The following PTRH1 variants were observed in gnomAD, a reference collection of about 807,000 sequenced individuals.
PTRH1 encodes the protein peptidyl-tRNA hydrolase 1 homolog.
PTRH1 carries 13 observed loss-of-function variants against 15.7 expected under a neutral mutation model. That is an observed-to-expected ratio of 0.83 (90% CI 0.54 to 1.31). PTRH1 has a LOEUF of 1.31. Among genes scored for constraint, PTRH1 ranks in the 40% most tolerant of loss-of-function variants. The probability of loss-of-function intolerance (pLI) is 0.00; values close to 1 mark genes in which losing one functional copy is unlikely to be tolerated. For missense variants in PTRH1, 319 were observed against 296.2 expected, an observed-to-expected ratio of 1.08 and a Z score of -0.56; for synonymous variants, 139 against 136.7, an observed-to-expected ratio of 1.02 and a Z score of -0.12.
At chr9:127,695,899 A>G (rs1290102133) in intron 1 of PTRH1, 1 of 152,232 alleles carries the variant, frequency 6.6e-6, no homozygotes, top group Non-Finnish European at 1.5e-5. Context: ...GACAAATACC[A>G]AAGTCAGGAT....
intron 1 of PTRH1, among the ~76,000 whole-genome samples, chr9:127,698,014 G>GA (rs1416762911): frequency 2.0e-5 from 3 of 152,138 alleles, no homozygotes; most frequent in African/African-American, 7.2e-5. Flanking sequence ...CTCAGAGTGG[G>GA]AAAAAACTGT....
At chr9:127,712,153 C>A (rs368809611), downstream of PTRH1, 425 of 1,607,912 alleles carry the variant, frequency 2.6e-4, 8 homozygotes, top group Middle Eastern at 0.012. Flanking sequence ...TGGCCCCAGT[C>A]CTGGGGAAGG....
At chr9:127,712,532 G>C, downstream of PTRH1, 2 of 1,503,580 alleles carry the variant, frequency 1.3e-6, no homozygotes, top group Non-Finnish European at 1.8e-6. Flanking sequence ...AAAGGAGCTG[G>C]ATTCCTTCTC....
chr9:127,712,692 C>G (rs768608600), downstream of PTRH1: 2 of 1,614,070 alleles, frequency 1.2e-6, no homozygotes, highest in Non-Finnish European at 1.7e-6. Context: ...CTGCTGCCAC[C>G]CCACCCTCAC....
chr9:127,715,349 G>A lies in PTRH1; in HGVS notation c.97-155C>T, dbSNP rs947892223. 19 of 1,225,344 alleles carry A rather than the reference G, an allele frequency of 1.6e-5. No individual in the cohort carries two copies. In the Admixed American group the frequency reaches 1.8e-4, roughly 11 times the overall value. 75.9% of individuals were successfully genotyped at this position (1,225,344 alleles called of 1,614,324 possible). A position where few individuals can be genotyped will look rare whatever the true frequency, so the allele number is the denominator to read the frequency against. On this transcript the variant is annotated intron_variant, in intron 1 of 4. Transcript: ENST00000543175. This position sits in a 1 kb window ranked among gnomAD's most constrained non-coding sequence, Gnocchi z 5.8. ...AGGGGCCCAGAAACCCGACCCCTGA[G>A]AACTCCAGAAGGCTGGGCAGGCAGG... is the stretch of plus-strand genomic sequence containing the variant.
intron 2 of PTRH1, among the ~76,000 whole-genome samples, chr9:127,694,281 A>G (rs1314551490): frequency 6.6e-6 from 1 of 152,132 alleles, no homozygotes; most frequent in Admixed American, 6.5e-5. Flanking sequence ...CTTTGGAACG[A>G]GATCCAAGAC....
At chr9:127,702,726 TC>T (rs1168399443) in intron 1 of PTRH1, among the ~76,000 whole-genome samples, 3 of 151,940 alleles carry the variant, frequency 2.0e-5, no homozygotes, top group Non-Finnish European at 4.4e-5. Flanking sequence ...TTTTTTTTTT[TC>T]TTGAGAGAGT....
At chr9:127,701,838 T>C (rs886613166) in intron 1 of PTRH1, among the ~76,000 whole-genome samples, 5 of 150,592 alleles carry the variant, frequency 3.3e-5, no homozygotes, top group Admixed American at 2.6e-4. Flanking sequence ...TGCTTGAACC[T>C]AGTAGGCAGA....
intron 1 of PTRH1, among the ~76,000 whole-genome samples, chr9:127,697,617 C>T (rs1168928891): frequency 1.3e-5 from 2 of 152,140 alleles, no homozygotes; most frequent in South Asian, 2.1e-4. Flanking sequence ...GCCAAGATCA[C>T]ACCACTGCAC....
chr9:127,712,125 AG>A, downstream of PTRH1: 1 of 1,569,474 alleles, frequency 6.4e-7, no homozygotes, highest in Non-Finnish European at 8.7e-7. Context: ...GAGAAATGGC[AG>A]GGCCCCTGGC....
At chr9:127,711,103 A>T (rs968023325), downstream of PTRH1, 2 of 1,258,200 alleles carry the variant, frequency 1.6e-6, no homozygotes, top group Non-Finnish European at 2.2e-6. Context: ...CATAGCCCCA[A>T]CCCTCCCAGG....
downstream of PTRH1, chr9:127,712,026 A>C (rs2131591224): frequency 8.5e-6 from 13 of 1,538,120 alleles, no homozygotes; most frequent in Non-Finnish European, 6.1e-6. Context: ...TTCCGATCCC[A>C]CGACCCAGGC....
At chr9:127,714,941 G>GGGC in intron 2 of PTRH1, 34 bp downstream of exon 2, 2 of 446,372 alleles carry the variant, frequency 4.5e-6, no homozygotes, top group South Asian at 2.1e-5. Context: ...CACCCCCTTG[G>GGGC]CCCGCCCGCC....
downstream of PTRH1, chr9:127,712,370 G>C (rs1403629159): frequency 6.2e-7 from 1 of 1,612,708 alleles, no homozygotes; most frequent in East Asian, 2.2e-5. Flanking sequence ...GGGAGAGAGG[G>C]AGGGCGCAAG....
intron 1 of PTRH1, among the ~76,000 whole-genome samples, chr9:127,704,115 G>C (rs971091330): frequency 6.6e-6 from 1 of 152,188 alleles, no homozygotes; most frequent in African/African-American, 2.4e-5. Context: ...TGGGGGGTTA[G>C]GGGGAGAAAT....
At chr9:127,711,909 G>A (rs1361052109), downstream of PTRH1, 3 of 1,604,208 alleles carry the variant, frequency 1.9e-6, no homozygotes, top group Non-Finnish European at 2.5e-6. Flanking sequence ...GCCAGTTGGA[G>A]CAGAGATCCC....
Position 127,715,244 on chromosome 9 carries a change from GA to G in PTRH1, c.97-51del. 2 of 1,503,882 alleles carry G rather than the reference GA, an allele frequency of 1.3e-6. No individual in the cohort carries two copies. Among genetic ancestry groups the G allele is most frequent in the Non-Finnish European group, 1.8e-6 (2 of 1,118,294 alleles). The allele number at this position is 1,503,882 out of a possible 1,614,324, so 93.2% of individuals were successfully genotyped here. ...AGGCCCAACAACTCTCGCCACCCCC[GA>G]TCTCACAGCGTCCCGTGGGCCCCAA... On this transcript the variant is annotated intron_variant, in intron 1 of 4. Transcript: ENST00000543175. The surrounding 1 kb of genome is among the most constrained non-coding windows in gnomAD (Gnocchi z 5.8).
At chr9:127,713,075 A>G (rs776332587), downstream of PTRH1, 7 of 1,613,758 alleles carry the variant, frequency 4.3e-6, no homozygotes, top group East Asian at 2.2e-5. Context: ...GCTCTCTGAC[A>G]TCACCCCCTA....
intron 2 of PTRH1, 103 bp from the exon 3 acceptor site, chr9:127,714,805 TA>T: frequency 8.7e-7 from 1 of 1,144,966 alleles, no homozygotes; most frequent in Non-Finnish European, 1.3e-6. Context: ...ACTTCACATA[TA>T]AAGAAACTGA....
Sources: allele counts gnomAD v4.1 joint callset (sites outside exome capture counted in the v4.1 genomes callset), GRCh38; gene constraint gnomAD v4.1.1; non-coding constraint Gnocchi (gnomAD v3.1); transcripts MANE v1.5; gene names NCBI Gene and HGNC (gene_info 2026-07-23, HGNC 2026-07-21).